The following ERICH1 variants were observed in gnomAD, a reference collection of about 807,000 sequenced individuals.
The protein encoded by ERICH1 is glutamate rich 1.
In ERICH1, 56 loss-of-function variants were observed where a neutral mutation model predicts 39.6. The observed-to-expected ratio is 1.41, with a 90% CI of 1.14 to 1.77. ERICH1 has a LOEUF of 1.77. ERICH1 is among the 40% of genes most tolerant of loss of function. The pLI is 0.00. For synonymous variants in ERICH1, 313 were observed against 223.6 expected (o/e 1.40, Z -3.57); for missense variants, 826 against 575.4 (o/e 1.44, Z -4.45).
chr8:727,331 C>T (rs1819002449), intron 1 of ERICH1, among the ~76,000 whole-genome samples: 1 of 152,242 alleles, frequency 6.6e-6, no homozygotes, highest in South Asian at 2.1e-4. Context: ...GGAACTGGCA[C>T]CAGTGCCAGC....
chr8:670,190 A>C (rs1465213352), intron 4 of ERICH1, among the ~76,000 whole-genome samples: 2 of 152,176 alleles, frequency 1.3e-5, no homozygotes, highest in African/African-American at 4.8e-5. Flanking sequence ...TTTAGTTACT[A>C]TATTTCTCAG....
At chr8:624,937 A>C (rs1291909404) in intron 3 of ERICH1, among the ~76,000 whole-genome samples, 2 of 152,108 alleles carry the variant, frequency 1.3e-5, no homozygotes, top group African/African-American at 4.8e-5. Context: ...CGTGTTAGCC[A>C]GGATGGTCTT....
intron 4 of ERICH1, 37 bp from the exon 5 acceptor site, chr8:668,829 G>T: frequency 6.5e-7 from 1 of 1,542,826 alleles, no homozygotes. Context: ...ATACAGTTTT[G>T]TTTTTATTTC....
At chr8:729,806 G>A (rs1270835163) in intron 1 of ERICH1, among the ~76,000 whole-genome samples, 2 of 139,784 alleles carry the variant, frequency 1.4e-5, no homozygotes, top group South Asian at 2.3e-4. Context: ...TTTGGTGAAT[G>A]GAGAAAGGTT....
intron 3 of ERICH1, chr8:640,821 A>C (rs749926037): frequency 6.6e-6 from 1 of 152,224 alleles, no homozygotes; most frequent in African/African-American, 2.4e-5. Context: ...GATTTCGACA[A>C]GAGCCAATAA....
chr8:662,577 G>A (rs1563202048), downstream of ERICH1, among the ~76,000 whole-genome samples: 1 of 151,280 alleles, frequency 6.6e-6, no homozygotes, highest in Non-Finnish European at 1.5e-5. Flanking sequence ...GAACCTGGGA[G>A]GTGGAGGTTG....
At chr8:618,610 T>C (rs36000893) in intron 3 of ERICH1, among the ~76,000 whole-genome samples, 86,269 of 152,042 alleles carry the variant, frequency 0.57, 26,323 homozygotes, top group East Asian at 0.87. Flanking sequence ...ACCAAATCCT[T>C]CAGGCCTCAG....
chr8:684,157 T>A (rs536044477), intron 3 of ERICH1, among the ~76,000 whole-genome samples: 1 of 152,318 alleles, frequency 6.6e-6, no homozygotes, highest in South Asian at 2.1e-4. Flanking sequence ...GATAAAAATT[T>A]TATAAGCAAT....
intron 4 of ERICH1, among the ~76,000 whole-genome samples, chr8:672,681 G>C (rs1485145075): frequency 6.6e-6 from 1 of 152,216 alleles, no homozygotes. Context: ...CCCTAGGTCA[G>C]CTGTCAACAA....
chr8:707,271 G>A (rs529202286), intron 2 of ERICH1, among the ~76,000 whole-genome samples: 3 of 146,988 alleles, frequency 2.0e-5, no homozygotes, highest in African/African-American at 5.0e-5. Context: ...GCAATGATGC[G>A]ATCTTGGCTC....
chr8:710,121 T>C (rs984028314), intron 2 of ERICH1, among the ~76,000 whole-genome samples: 17 of 152,184 alleles, frequency 1.1e-4, no homozygotes, highest in African/African-American at 3.4e-4. Flanking sequence ...AAACCTACGC[T>C]GACACACGTT....
At chr8:634,179 A>ACC (rs1554481854) in intron 3 of ERICH1, among the ~76,000 whole-genome samples, 2 of 43,588 alleles carry the variant, frequency 4.6e-5, no homozygotes, top group African/African-American at 2.5e-4. Context: ...AAAAAAAAAA[A>ACC]AAAAAAACAA....
chr8:671,700 G>C (rs11781476), intron 4 of ERICH1: 5,222 of 145,822 alleles, frequency 0.036, 150 homozygotes, highest in Middle Eastern at 0.047. Context: ...GCTCCAGGCT[G>C]CGACCTCTGA....
intron 2 of ERICH1, among the ~76,000 whole-genome samples, chr8:699,036 C>T (rs1231534408): frequency 6.6e-6 from 1 of 151,828 alleles, no homozygotes; most frequent in Non-Finnish European, 1.5e-5. Context: ...AGCCCAGGAG[C>T]TCAGGGCCGT....
In ERICH1 at chr8:692,533, C is replaced by T. The variant is rs539986108; in HGVS notation, c.249G>A (p.Pro83=). The T allele has an allele frequency of 2.0e-5, 32 of 1,614,004 alleles. No homozygotes were observed. Among genetic ancestry groups the T allele is most frequent in the Non-Finnish European group, 2.3e-5 (27 of 1,179,984 alleles). ...CGGGGCTCCCACAGCTGCTGGGCTCCGGCCAACAGGGGACGTAGCCCTCAG... is the reference window on the plus strand; with the variant it reads ...CGGGGCTCCCACAGCTGCTGGGCTCTGGCCAACAGGGGACGTAGCCCTCAG... ...GPPEGYVPCW[P]EPSSCGSPEN... is the part of the protein sequence containing the mutation. The change falls in exon 3 of 6, where the codon CCG becomes CCA. Residue 83 remains proline (P), a synonymous_variant. Transcript: ENST00000262109.
intron 2 of ERICH1, among the ~76,000 whole-genome samples, chr8:694,416 G>A (rs535312081): frequency 6.6e-6 from 1 of 152,190 alleles, no homozygotes; most frequent in Non-Finnish European, 1.5e-5. Context: ...AAGTTAAACA[G>A]AACTTAGAAA....
At chr8:718,371 T>TA (rs1357666983) in intron 1 of ERICH1, among the ~76,000 whole-genome samples, 6 of 151,078 alleles carry the variant, frequency 4.0e-5, no homozygotes, top group South Asian at 2.1e-4. Context: ...GAATGTGCCT[T>TA]AAAAAAAAAG....
intron 3 of ERICH1, among the ~76,000 whole-genome samples, chr8:638,895 G>A (rs943482214): frequency 6.6e-6 from 1 of 152,040 alleles, no homozygotes; most frequent in Non-Finnish European, 1.5e-5. Flanking sequence ...TGCCTCCGTG[G>A]CCTTGTTCTG....
chr8:686,359 T>C (rs1466589225), intron 3 of ERICH1, among the ~76,000 whole-genome samples: 1 of 152,116 alleles, frequency 6.6e-6, no homozygotes, highest in East Asian at 1.9e-4. Flanking sequence ...GTGCCAACAA[T>C]AGCTTGGAAA....
Sources: gnomAD v4.1 joint callset for allele counts (sites outside exome capture counted in the v4.1 genomes callset) on GRCh38, gnomAD v4.1.1 for gene constraint, MANE v1.5 for transcripts, NCBI Gene and HGNC (gene_info 2026-07-23, HGNC 2026-07-21) for gene names.